TYW1B: variants seen among roughly 807,000 people sequenced by gnomAD.
TYW1B encodes tRNA-yW synthesizing protein 1 homolog B, also known as S-adenosyl-L-methionine-dependent tRNA 4-demethylwyosine synthase TYW1B.
TYW1B carries 73 observed loss-of-function variants against 86.9 expected under a neutral mutation model. The observed-to-expected ratio is 0.84, with a 90% CI of 0.70 to 1.02. The LOEUF (loss-of-function observed/expected upper bound fraction) is 1.02, where lower values mean the gene tolerates loss of function less well. Among genes scored for constraint, TYW1B ranks in the 50% least tolerant of loss-of-function variants. The pLI is 0.00. For missense variants in TYW1B, 637 were observed against 827.4 expected, an observed-to-expected ratio of 0.77 and a Z score of 2.82; for synonymous variants, 248 against 292.8, an observed-to-expected ratio of 0.85 and a Z score of 1.56.
At chr7:72,603,317 A>C in intron 13 of TYW1B, among the ~76,000 whole-genome samples, 1 of 147,522 alleles carries the variant, frequency 6.8e-6, no homozygotes, top group East Asian at 2.2e-4. Context: ...GGATGGACAG[A>C]TAGATGATGG....
chr7:72,678,322 T>C (rs1585896594), intron 11 of TYW1B, among the ~76,000 whole-genome samples: 1 of 152,122 alleles, frequency 6.6e-6, no homozygotes. Context: ...GAGGAGGGGC[T>C]AACTCTCTGA....
chr7:72,716,957 G>A (rs1554456239), intron 9 of TYW1B, among the ~76,000 whole-genome samples: 1 of 151,712 alleles, frequency 6.6e-6, no homozygotes, highest in Non-Finnish European at 1.5e-5. Context: ...CACAAACAGG[G>A]CAGTCCAGTG....
At chr7:72,825,881 C>G (rs1215839753) in intron 2 of TYW1B, among the ~76,000 whole-genome samples, 1 of 152,050 alleles carries the variant, frequency 6.6e-6, no homozygotes, top group Non-Finnish European at 1.5e-5. Flanking sequence ...TCAGACACCA[C>G]CAGTCAGCTC....
chr7:72,681,874 C>T lies in TYW1B; in HGVS notation c.1506+12813G>A, dbSNP rs1469271771. Among the ~76,000 whole-genome samples, 11 of 151,488 alleles carry T rather than the reference C, an allele frequency of 7.3e-5. No homozygotes were observed. In the East Asian group the frequency reaches 1.6e-3, roughly 21 times the overall value. On this transcript the variant is annotated intron_variant, in intron 11 of 13. Transcript: ENST00000620995. The stretch of plus-strand genomic sequence containing the variant: ...TGCCGGGATTCCAGAAGTGAGCCAC[C>T]GCACCCGGCCGTCTGTTTTTTTAGA...
chr7:72,618,664 A>G (rs1554437372), intron 12 of TYW1B, among the ~76,000 whole-genome samples: 1 of 152,164 alleles, frequency 6.6e-6, no homozygotes, highest in Admixed American at 6.6e-5. Flanking sequence ...CTAAACTGTG[A>G]TGGCCTTTGT....
chr7:72,630,145 G>A (rs1301852965), intron 11 of TYW1B, among the ~76,000 whole-genome samples: 6 of 152,068 alleles, frequency 3.9e-5, no homozygotes, highest in South Asian at 2.1e-4. Flanking sequence ...CAGGCGTGGC[G>A]GCGTGCACCT....
intron 12 of TYW1B, among the ~76,000 whole-genome samples, chr7:72,625,058 CAA>C (rs57613692): frequency 1.6e-3 from 201 of 126,490 alleles, no homozygotes; most frequent in Middle Eastern, 4.3e-3. Flanking sequence ...GAACCTGTCT[CAA>C]AAAAAAAAAA....
In TYW1B at chr7:72,632,389, T is replaced by TATATATATTATATATATAC. The variant is rs1563038704; in HGVS notation, c.1507-3393_1507-3392insGTATATATATAATATATAT. Reference sequence around the variant, plus strand: ...TACGCATATATATTATATATATACGTATATATATATAATATATATATACAT... The same window carrying TATATATATTATATATATAC: ...TACGCATATATATTATATATATACGTATATATATTATATATATACATATATATATAATATATATATACAT... On this transcript the variant is annotated intron_variant, in intron 11 of 13. Coordinates refer to ENST00000620995, the MANE Select transcript of TYW1B (RefSeq NM_001145440.3). 3.7e-4 allele frequency among the ~76,000 whole-genome samples: 34 copies of TATATATATTATATATATAC among 92,164 alleles called. 1 individual carries two copies. Among genetic ancestry groups the TATATATATTATATATATAC allele is most frequent in the African/African-American group, 2.3e-3 (33 of 14,618 alleles). 60.5% of individuals were successfully genotyped at this position (92,164 alleles called of 152,430 possible).
intron 11 of TYW1B, among the ~76,000 whole-genome samples, chr7:72,676,785 C>T (rs1229710265): frequency 2.1e-4 from 32 of 150,450 alleles, no homozygotes; most frequent in African/African-American, 3.2e-4. Context: ...ATGGGGAAAC[C>T]CCATCTCTAC....
At chr7:72,634,168 C>T (rs1457526010) in intron 11 of TYW1B, among the ~76,000 whole-genome samples, 2 of 151,920 alleles carry the variant, frequency 1.3e-5, no homozygotes, top group Non-Finnish European at 2.9e-5. Flanking sequence ...CTCTCTCCCT[C>T]TCCCCACCTC....
At chr7:72,774,679 C>T (rs1478090002) in intron 7 of TYW1B, among the ~76,000 whole-genome samples, 1 of 152,012 alleles carries the variant, frequency 6.6e-6, no homozygotes, top group South Asian at 2.1e-4. Context: ...TGCAGTGAGC[C>T]AAGATCACGC....
intron 11 of TYW1B, among the ~76,000 whole-genome samples, chr7:72,667,245 G>C (rs1162027359): frequency 6.6e-6 from 1 of 152,076 alleles, no homozygotes; most frequent in Admixed American, 6.6e-5. Flanking sequence ...ACCCACATCT[G>C]ACTCTCATCA....
rs1554439427 is a variant in TYW1B at position 72,629,017 on chromosome 7, A to G, written c.1507-20T>C. 1.3e-6 allele frequency: 2 copies of G among 1,578,228 alleles called. No homozygotes were observed. Among genetic ancestry groups the G allele is most frequent in the Admixed American group, 3.6e-5 (2 of 54,844 alleles). The stretch of plus-strand genomic sequence containing the variant: ...TTGTTGCTAAAACAAAGGAAAAGCC[A>G]ACTTCGTTGTTATCTTGGTGGATGT... On this transcript the variant is annotated intron_variant, in intron 11 of 13. Coordinates refer to ENST00000620995, the MANE Select transcript of TYW1B (RefSeq NM_001145440.3).
intron 7 of TYW1B, among the ~76,000 whole-genome samples, chr7:72,772,765 A>T (rs1398030521): frequency 6.6e-6 from 1 of 152,228 alleles, no homozygotes; most frequent in Non-Finnish European, 1.5e-5. Flanking sequence ...TTGCAGGCAA[A>T]TAAGGCAAAT....
intron 6 of TYW1B, among the ~76,000 whole-genome samples, chr7:72,794,512 T>C (rs1344960205): frequency 2.6e-5 from 4 of 151,158 alleles, no homozygotes; most frequent in Non-Finnish European, 5.9e-5. Context: ...GCTGAGATTG[T>C]GCCACTGCAC....
rs560081942 is a variant in TYW1B, at chr7:72,648,129, T to A, written c.1507-19132A>T. Among the ~76,000 whole-genome samples the A allele has an allele frequency of 4.7e-4, 71 of 152,246 alleles. No homozygotes were observed. In the South Asian group the frequency reaches 0.015, roughly 32 times the overall value. On this transcript the variant is annotated intron_variant, in intron 11 of 13. Coordinates refer to ENST00000620995, the MANE Select transcript of TYW1B (RefSeq NM_001145440.3). ...AAGAAATACAACAAAAGTTTTGGGA[T>A]CAGAAAACATGTATACATATACACT...
At chr7:72,630,183 G>A (rs1267985190) in intron 11 of TYW1B, among the ~76,000 whole-genome samples, 1 of 152,178 alleles carries the variant, frequency 6.6e-6, no homozygotes, top group Non-Finnish European at 1.5e-5. Context: ...GGAGGCTGAG[G>A]CAGGAGACTC....
intron 11 of TYW1B, among the ~76,000 whole-genome samples, chr7:72,648,544 G>GAA (rs1171338007): frequency 3.1e-4 from 23 of 75,162 alleles, no homozygotes; most frequent in African/African-American, 5.9e-4. Context: ...CTCTGTCTCA[G>GAA]AAAAAAAAAA....
intron 8 of TYW1B, 63 bp downstream of exon 8, chr7:72,744,421 G>C (rs1360215520): frequency 3.4e-6 from 5 of 1,472,180 alleles, no homozygotes; most frequent in Non-Finnish European, 4.7e-6. Flanking sequence ...AGTGTGAGCT[G>C]GGCAGATTGA....
Sources: gnomAD v4.1 joint callset for allele counts (sites outside exome capture counted in the v4.1 genomes callset) on GRCh38, gnomAD v4.1.1 for gene constraint, MANE v1.5 for transcripts, NCBI Gene and HGNC (gene_info 2026-07-23, HGNC 2026-07-21) for gene names.